Variants in CHODL observed in about 807,000 individuals in gnomAD.
CHODL encodes chondrolectin.
In CHODL, 29 loss-of-function variants were observed where a neutral mutation model predicts 34.5. That is an observed-to-expected ratio of 0.84 (90% CI 0.63 to 1.15). CHODL has a LOEUF of 1.15. Among genes scored for constraint, CHODL ranks in the 50% most tolerant of loss-of-function variants. CHODL has a pLI of 0.00. For missense variants in CHODL, 332 were observed against 332.5 expected (o/e 1.00, Z 0.01); for synonymous variants, 125 against 116.1 (o/e 1.08, Z -0.49).
intron 2 of CHODL, among the ~76,000 whole-genome samples, chr21:18,165,687 T>C (rs1007127957): frequency 8.5e-5 from 13 of 152,148 alleles, no homozygotes; most frequent in African/African-American, 2.9e-4. Context: ...ATTCAAACGG[T>C]GTCACTTCTG....
intron 1 of CHODL, among the ~76,000 whole-genome samples, chr21:18,015,422 T>C (rs2064063270): frequency 2.0e-5 from 3 of 152,172 alleles, no homozygotes; most frequent in Admixed American, 6.5e-5. Flanking sequence ...TGTGGGACTG[T>C]GAGTCAATTA....
chr21:17,962,458 C>G (rs908386314), intron 1 of CHODL, among the ~76,000 whole-genome samples: 6 of 152,110 alleles, frequency 3.9e-5, no homozygotes, highest in Non-Finnish European at 8.8e-5. Context: ...GAAACAGATT[C>G]TCTTGAGTTC....
At chr21:18,199,901 C>T (rs569504698) in intron 2 of CHODL, among the ~76,000 whole-genome samples, 8 of 152,188 alleles carry the variant, frequency 5.3e-5, no homozygotes, top group South Asian at 4.1e-4. Context: ...TGAACAAAGC[C>T]GCTGTAATCA....
Position 18,060,210 on chromosome 21 carries a change from T to C in CHODL, c.-45+32239T>C, listed in dbSNP as rs9977053. Among the ~76,000 whole-genome samples, 1,404 of 152,138 alleles carry C rather than the reference T, an allele frequency of 9.2e-3. 23 individuals are homozygous for C. The highest frequency in any genetic ancestry group is 0.031 in the African/African-American group (1,292 of 41,500). On this transcript the variant is annotated intron_variant, in intron 2 of 6. Coordinates refer to the CHODL transcript ENST00000400127. ...TGGCTCATGCCTGTAATCCCAGAAC[T>C]TTGGGAGACCAAAGCAGGCAGATCG...
intron 2 of CHODL, among the ~76,000 whole-genome samples, chr21:18,028,521 A>C (rs940336544): frequency 6.6e-4 from 100 of 151,800 alleles, no homozygotes; most frequent in African/African-American, 2.3e-3. Flanking sequence ...AACATGGTGA[A>C]ACCCCATCTC....
chr21:18,069,023 G>A (rs530977299), intron 2 of CHODL, among the ~76,000 whole-genome samples: 1 of 151,920 alleles, frequency 6.6e-6, no homozygotes, highest in Non-Finnish European at 1.5e-5. Context: ...AACACATTCA[G>A]TAAGTTGTGT....
chr21:18,015,307 T>G (rs2064061786), intron 1 of CHODL, among the ~76,000 whole-genome samples: 1 of 152,128 alleles, frequency 6.6e-6, no homozygotes, highest in African/African-American at 2.4e-5. Flanking sequence ...CCCCTTTGCC[T>G]TCTCTCTCTC....
intron 1 of CHODL, among the ~76,000 whole-genome samples, chr21:17,949,770 A>G (rs1180489954): frequency 1.3e-5 from 2 of 152,196 alleles, no homozygotes; most frequent in East Asian, 3.8e-4. Flanking sequence ...AGAATATAAT[A>G]AAGATCTAAA....
chr21:18,147,389 G>A (rs940772918), intron 2 of CHODL, among the ~76,000 whole-genome samples: 4 of 152,118 alleles, frequency 2.6e-5, no homozygotes, highest in Non-Finnish European at 4.4e-5. Flanking sequence ...CCTGTTCTTT[G>A]GTTCTTCCCT....
chr21:18,076,996 G>A (rs995042908), intron 2 of CHODL, among the ~76,000 whole-genome samples: 8 of 152,168 alleles, frequency 5.3e-5, no homozygotes, highest in South Asian at 2.1e-4. Flanking sequence ...GAACCTTGGC[G>A]GCCTATTTAC....
Position 18,265,990 on chromosome 21 carries a change from A to C in CHODL, c.774A>C (p.Thr258=). 1 of 1,613,616 alleles carries C rather than the reference A, an allele frequency of 6.2e-7. No homozygotes were observed. Among genetic ancestry groups the C allele is most frequent in the South Asian group, 1.1e-5 (1 of 91,064 alleles). Residue 258 remains threonine, a synonymous_variant, in exon 6 of 6, where the codon ACA becomes ACC. Transcript: ENST00000299295. The part of the protein sequence containing the change: ...GRTKTSPNQS[T]LWISKSTRKE... ...CAAAAACTAGTCCAAACCAGTCTAC[A>C]CTGTGGATTTCAAAGAGTACCAGAA...
chr21:18,111,328 A>G (rs568309245), intron 2 of CHODL, among the ~76,000 whole-genome samples: 33 of 152,292 alleles, frequency 2.2e-4, no homozygotes, highest in African/African-American at 7.5e-4. Context: ...AGTGACTTCA[A>G]CTAACCTCAT....
In CHODL at chr21:18,248,705, A is replaced by G. The variant is rs560253313; in HGVS notation, c.79+3403A>G. Among the ~76,000 whole-genome samples the G allele has an allele frequency of 3.4e-3, 413 of 121,602 alleles. 2 individuals are homozygous for G. Among genetic ancestry groups the G allele is most frequent in the Non-Finnish European group, 5.5e-3 (345 of 62,752 alleles). The allele number at this position is 121,602 out of a possible 152,430, so 79.8% of individuals were successfully genotyped here. ...GTATATATTATATACATATATATGT[A>G]TATAATATATACATATATATGTATA... is the stretch of plus-strand genomic sequence containing the variant. On this transcript the variant is annotated intron_variant, in intron 1 of 5. Coordinates refer to ENST00000299295, the MANE Select transcript of CHODL (RefSeq NM_024944.3).
chr21:18,145,611 G>T (rs1228407334), intron 2 of CHODL, among the ~76,000 whole-genome samples: 2 of 152,038 alleles, frequency 1.3e-5, no homozygotes, highest in Non-Finnish European at 2.9e-5. Flanking sequence ...TTTCATTCGG[G>T]GTCAATGTGT....
chr21:17,960,342 T>C (rs1444357423), intron 1 of CHODL, among the ~76,000 whole-genome samples: 2 of 152,226 alleles, frequency 1.3e-5, no homozygotes, highest in Admixed American at 6.5e-5. Context: ...ATTAAATCCT[T>C]CAGTCAAGGG....
At chr21:18,050,926 C>CTTT (rs71189578) in intron 2 of CHODL, among the ~76,000 whole-genome samples, 1 of 146,750 alleles carries the variant, frequency 6.8e-6, no homozygotes, top group African/African-American at 2.5e-5. Flanking sequence ...AAGTAACTTG[C>CTTT]TTTTTTTTTT....
At chr21:18,257,555 G>A (rs1386198988) in intron 3 of CHODL, among the ~76,000 whole-genome samples, 2 of 152,102 alleles carry the variant, frequency 1.3e-5, no homozygotes, top group African/African-American at 4.8e-5. Flanking sequence ...ACTTTCTCCT[G>A]GATCATTTGC....
chr21:18,047,223 T>C (rs1447326357), intron 2 of CHODL, among the ~76,000 whole-genome samples: 1 of 151,966 alleles, frequency 6.6e-6, no homozygotes, highest in Admixed American at 6.6e-5. Context: ...ATATATTTTT[T>C]CCCTAACAAA....
rs1392811744 is a variant in CHODL, at chr21:17,978,742, AAAAAC to A, written c.-144-49126_-144-49122del. On this transcript the variant is annotated intron_variant, in intron 1 of 6. Transcript: ENST00000400127. ...AAAAAAGAAAAAAAAAGAAAAAAAA[AAAAAC>A]AAACAAACAGAAAAAAGATGTCAAC... Among the ~76,000 whole-genome samples, 572 of 151,762 alleles carry A rather than the reference AAAAAC, an allele frequency of 3.8e-3. 3 individuals are homozygous for A. The highest frequency in any genetic ancestry group is 0.013 in the African/African-American group (526 of 41,342).
Sources: gnomAD v4.1 joint callset for allele counts (sites outside exome capture counted in the v4.1 genomes callset) on GRCh38, gnomAD v4.1.1 for gene constraint, MANE v1.5 for transcripts, NCBI Gene and HGNC (gene_info 2026-07-23, HGNC 2026-07-21) for gene names.